DLG2: variants seen among roughly 807,000 people sequenced by gnomAD.
DLG2 encodes the protein discs large MAGUK scaffold protein 2.
Under a neutral mutation model 132.5 loss-of-function variants are expected in DLG2, and 45 were observed. The observed-to-expected ratio is 0.34, with a 90% CI of 0.27 to 0.44. The LOEUF is 0.44. DLG2 is among the 20% of genes least tolerant of loss of function. DLG2 has a pLI of 1.00. For synonymous variants in DLG2, 424 were observed against 419.6 expected (o/e 1.01, Z -0.13); for missense variants, 1,045 against 1,196.9 (o/e 0.87, Z 1.87).
chr11:85,301,759 C>T lies in DLG2; in HGVS notation c.41-16394G>A, dbSNP rs548737946. Among the ~76,000 whole-genome samples, 16 of 152,270 alleles carry T rather than the reference C, an allele frequency of 1.1e-4. No individual in the cohort carries two copies. In the East Asian group the frequency reaches 1.5e-3, roughly 15 times the overall value. On this transcript the variant is annotated intron_variant, in intron 3 of 27. Transcript: ENST00000376104. ...TAGAAGTATAAGAATAAGTCTCTAA[C>T]GGTCACTATGCAGGCAGATGCCAAG...
intron 7 of DLG2, among the ~76,000 whole-genome samples, chr11:84,277,205 A>G (rs1431401603): frequency 6.6e-6 from 1 of 152,258 alleles, no homozygotes; most frequent in Non-Finnish European, 1.5e-5. Flanking sequence ...GAAGACTTGT[A>G]TAAAACTAGG....
intron 6 of DLG2, chr11:85,021,591 C>G: frequency 6.6e-7 from 1 of 1,525,740 alleles, no homozygotes; most frequent in Non-Finnish European, 9.1e-7. Context: ...TGTTGAGATT[C>G]CCAGTGAACA....
At chr11:85,102,248 T>G (rs349086) in intron 6 of DLG2, among the ~76,000 whole-genome samples, 81,190 of 151,824 alleles carry the variant, frequency 0.53, 22,097 homozygotes, top group East Asian at 0.69. Context: ...GCTGATGATA[T>G]GTTGCCAAAA....
chr11:85,081,263 A>G (rs1274918312), intron 6 of DLG2, among the ~76,000 whole-genome samples: 1 of 152,218 alleles, frequency 6.6e-6, no homozygotes, highest in Non-Finnish European at 1.5e-5. Context: ...CGGCATCATG[A>G]GTAAACTCTA....
In DLG2 at chr11:84,877,336, C is replaced by T. The variant is rs569343996; in HGVS notation, c.357+234325G>A. On this transcript the variant is annotated intron_variant, in intron 6 of 27. Transcript: ENST00000376104. ...TGGGAGTGTAAGCCTCTTTTTAAGTCTCTAAGAACTGACTTATGAATCTGG... is the reference window on the plus strand; with the variant it reads ...TGGGAGTGTAAGCCTCTTTTTAAGTTTCTAAGAACTGACTTATGAATCTGG... Among the ~76,000 whole-genome samples the T allele has an allele frequency of 1.9e-4, 29 of 152,040 alleles. 1 individual carries two copies. The South Asian group carries it at 6.0e-3, about 32-fold the overall frequency.
chr11:85,262,999 G>T (rs1222257009), intron 4 of DLG2, among the ~76,000 whole-genome samples: 1 of 152,168 alleles, frequency 6.6e-6, no homozygotes, highest in Non-Finnish European at 1.5e-5. Flanking sequence ...TTGTCCCATG[G>T]TGGGACCAAA....
intron 4 of DLG2, among the ~76,000 whole-genome samples, chr11:85,241,620 C>T (rs1229677505): frequency 6.6e-6 from 1 of 151,906 alleles, no homozygotes; most frequent in Non-Finnish European, 1.5e-5. Context: ...TCTGTTCTAA[C>T]ACAAAGAATC....
At chr11:84,058,161 A>G (rs1371722695) in intron 11 of DLG2, among the ~76,000 whole-genome samples, 11 of 152,162 alleles carry the variant, frequency 7.2e-5, no homozygotes, top group Non-Finnish European at 1.5e-4. Flanking sequence ...TTTCAATCTC[A>G]TATAGCATTA....
At chr11:85,571,920 T>C (rs2077864616) in intron 3 of DLG2, among the ~76,000 whole-genome samples, 1 of 152,200 alleles carries the variant, frequency 6.6e-6, no homozygotes, top group Non-Finnish European at 1.5e-5. Flanking sequence ...GATATATTTA[T>C]CTGTTTTAAT....
At chr11:84,371,473 C>T (rs2098706269) in intron 7 of DLG2, among the ~76,000 whole-genome samples, 2 of 151,966 alleles carry the variant, frequency 1.3e-5, no homozygotes. Flanking sequence ...GTCTCAAACT[C>T]CTGGGCTCAA....
Position 85,079,025 on chromosome 11 carries a change from G to T in DLG2, c.357+32636C>A, listed in dbSNP as rs547293613. 5.6e-4 allele frequency among the ~76,000 whole-genome samples: 85 copies of T among 150,474 alleles called. 1 individual carries two copies. The highest frequency in any genetic ancestry group is 7.3e-4 in the Non-Finnish European group (49 of 66,950). ...AAAGCTTTCTTTTATGTGTTTTAGG[G>T]GGGGGGTCTGAGACATCAATCAATA... is the stretch of plus-strand genomic sequence containing the variant. On this transcript the variant is annotated intron_variant, in intron 6 of 27. Coordinates refer to ENST00000376104, the MANE Select transcript of DLG2 (RefSeq NM_001142699.3).
At chr11:85,319,973 T>C (rs2080943917) in intron 3 of DLG2, among the ~76,000 whole-genome samples, 1 of 151,874 alleles carries the variant, frequency 6.6e-6, no homozygotes, top group African/African-American at 2.4e-5. Flanking sequence ...TACTCAATCA[T>C]GTTTCATTCC....
At chr11:85,164,857 T>C (rs1039105808) in intron 4 of DLG2, among the ~76,000 whole-genome samples, 1 of 152,180 alleles carries the variant, frequency 6.6e-6, no homozygotes, top group Non-Finnish European at 1.5e-5. Flanking sequence ...CATAACTAAC[T>C]AATATACTAA....
intron 7 of DLG2, among the ~76,000 whole-genome samples, chr11:84,352,902 C>T (rs368549978): frequency 6.6e-6 from 1 of 152,128 alleles, no homozygotes; most frequent in East Asian, 1.9e-4. Flanking sequence ...AAAGAGAACA[C>T]ATAGAAGAGT....
At position 84,207,344 on chromosome 11, in the gene DLG2, T is replaced by C. The variant is rs565968616; in HGVS notation, c.574-43833A>G. The stretch of plus-strand genomic sequence containing the variant: ...AGGGTCAAGATAGCCAATACAATCT[T>C]GAAAGAAAAAAAAAATCAGATAATT... On this transcript the variant is annotated intron_variant, in intron 8 of 27. Coordinates refer to ENST00000376104, the MANE Select transcript of DLG2 (RefSeq NM_001142699.3). Among the ~76,000 whole-genome samples the C allele has an allele frequency of 7.9e-5, 12 of 151,734 alleles. 1 individual carries two copies. In the East Asian group the frequency reaches 1.9e-3, roughly 24 times the overall value.
chr11:84,454,000 G>A (rs1282519378), intron 7 of DLG2, among the ~76,000 whole-genome samples: 2 of 151,538 alleles, frequency 1.3e-5, no homozygotes, highest in African/African-American at 4.8e-5. Context: ...CCACAGAGGA[G>A]TTGAAGAAAG....
intron 6 of DLG2, among the ~76,000 whole-genome samples, chr11:84,573,009 T>C (rs2099489412): frequency 6.6e-6 from 1 of 152,116 alleles, no homozygotes; most frequent in Admixed American, 6.6e-5. Flanking sequence ...ATCTAAGAAA[T>C]AGTACAAGCT....
intron 3 of DLG2, among the ~76,000 whole-genome samples, chr11:85,322,112 A>C (rs2081114033): frequency 6.6e-6 from 1 of 151,970 alleles, no homozygotes; most frequent in Non-Finnish European, 1.5e-5. Context: ...AAAGTGCCCT[A>C]CTATATCATA....
intron 7 of DLG2, among the ~76,000 whole-genome samples, chr11:84,505,873 G>A (rs1403631920): frequency 6.6e-6 from 1 of 151,924 alleles, no homozygotes; most frequent in Non-Finnish European, 1.5e-5. Flanking sequence ...ATACATCTTA[G>A]CTTAACTTTC....
Sources: allele counts gnomAD v4.1 joint callset (sites outside exome capture counted in the v4.1 genomes callset), GRCh38; gene constraint gnomAD v4.1.1; transcripts MANE v1.5; gene names NCBI Gene and HGNC (gene_info 2026-07-23, HGNC 2026-07-21).